Variants in CMIP observed in about 807,000 individuals in gnomAD.
CMIP encodes the protein C-Maf-inducing protein.
A neutral mutation model predicts 97.3 loss-of-function variants in CMIP; 13 were observed. That is an observed-to-expected ratio of 0.13 (90% CI 0.09 to 0.21). CMIP has a LOEUF of 0.21. Ranked by LOEUF, CMIP falls within the 10% of genes least tolerant of loss-of-function variation. The probability of loss-of-function intolerance (pLI) is 1.00; values close to 1 mark genes in which losing one functional copy is unlikely to be tolerated. For missense variants in CMIP, 847 were observed against 1,024.9 expected (o/e 0.83, Z 2.37); for synonymous variants, 538 against 436.3 (o/e 1.23, Z -2.91).
intron 10 of CMIP, among the ~76,000 whole-genome samples, chr16:81,685,963 C>A (rs982765450): frequency 6.6e-6 from 1 of 152,194 alleles, no homozygotes; most frequent in South Asian, 2.1e-4. Flanking sequence ...AGCACAGACA[C>A]TGGGGCCAGG....
At chr16:81,700,316 A>G (rs1262874010) in intron 15 of CMIP, among the ~76,000 whole-genome samples, 1 of 151,724 alleles carries the variant, frequency 6.6e-6, no homozygotes, top group Admixed American at 6.6e-5. Context: ...AAGAACACAC[A>G]CACCCAGCCC....
At chr16:81,642,662 G>C (rs763632509) in intron 3 of CMIP, among the ~76,000 whole-genome samples, 1 of 152,152 alleles carries the variant, frequency 6.6e-6, no homozygotes, top group Non-Finnish European at 1.5e-5. Flanking sequence ...TGTATCTGCC[G>C]GGCGCGGTGG....
intron 1 of CMIP, among the ~76,000 whole-genome samples, chr16:81,565,038 G>T (rs935883527): frequency 1.4e-4 from 21 of 152,184 alleles, no homozygotes; most frequent in Admixed American, 3.9e-4. Context: ...GTGCTCGGGG[G>T]TGCCTGGTGA....
chr16:81,528,039 A>T (rs2090165526), intron 1 of CMIP, among the ~76,000 whole-genome samples: 1 of 152,228 alleles, frequency 6.6e-6, no homozygotes, highest in African/African-American at 2.4e-5. Context: ...TTACATTCCC[A>T]GGAGCAGTAT....
At chr16:81,571,098 A>C (rs1295764273) in intron 1 of CMIP, among the ~76,000 whole-genome samples, 2 of 152,234 alleles carry the variant, frequency 1.3e-5, no homozygotes, top group Admixed American at 6.5e-5. Context: ...AGGTGTGGGT[A>C]TGCGTATGGG....
At chr16:81,583,317 C>T (rs375420774) in intron 1 of CMIP, among the ~76,000 whole-genome samples, 10 of 152,362 alleles carry the variant, frequency 6.6e-5, no homozygotes, top group East Asian at 3.9e-4. Context: ...GTCGGGGCTC[C>T]GGGCCTCTCA....
At chr16:81,556,532 C>G (rs1306929901) in intron 1 of CMIP, among the ~76,000 whole-genome samples, 2 of 152,150 alleles carry the variant, frequency 1.3e-5, no homozygotes, top group East Asian at 1.9e-4. Context: ...AGTGGCCCTC[C>G]TAATGGGCAT....
chr16:81,588,253 T>C (rs184633302), intron 1 of CMIP, among the ~76,000 whole-genome samples: 2 of 152,258 alleles, frequency 1.3e-5, no homozygotes, highest in Admixed American at 1.3e-4. Context: ...ATAGTTTTTG[T>C]TTTTTGGCCA....
chr16:81,705,770 A>G (rs1908066389), intron 19 of CMIP, among the ~76,000 whole-genome samples, 166 bp downstream of exon 19: 2 of 152,248 alleles, frequency 1.3e-5, no homozygotes, highest in Non-Finnish European at 2.9e-5. Context: ...GCACCATTCC[A>G]TGTGCCAGGA....
chr16:81,563,051 C>T (rs1052701272), intron 1 of CMIP, among the ~76,000 whole-genome samples: 5 of 152,190 alleles, frequency 3.3e-5, no homozygotes. Context: ...CTCACGTGCC[C>T]TGGCAAGGCG....
chr16:81,636,746 T>G (rs2092241658), intron 3 of CMIP, among the ~76,000 whole-genome samples: 1 of 152,112 alleles, frequency 6.6e-6, no homozygotes, highest in African/African-American at 2.4e-5. Context: ...CTGCAATAAT[T>G]TGAAACATTG....
intron 1 of CMIP, among the ~76,000 whole-genome samples, chr16:81,546,491 G>A (rs2090548510): frequency 6.6e-6 from 1 of 152,176 alleles, no homozygotes; most frequent in Admixed American, 6.5e-5. Context: ...GAGGCTCTCA[G>A]TTGCAGGCGG....
intron 3 of CMIP, among the ~76,000 whole-genome samples, chr16:81,635,698 G>A (rs779490239): frequency 4.8e-4 from 73 of 152,100 alleles, no homozygotes; most frequent in Non-Finnish European, 6.3e-4. Context: ...AATGATAGAC[G>A]TCAAGCGTCT....
At chr16:81,535,866 T>G (rs956332335) in intron 1 of CMIP, among the ~76,000 whole-genome samples, 2 of 152,198 alleles carry the variant, frequency 1.3e-5, no homozygotes, top group Non-Finnish European at 2.9e-5. Flanking sequence ...CACAAGCTCC[T>G]AGGACTCCAG....
chr16:81,579,910 C>T (rs2091267128), intron 1 of CMIP, among the ~76,000 whole-genome samples: 1 of 152,120 alleles, frequency 6.6e-6, no homozygotes, highest in Non-Finnish European at 1.5e-5. Flanking sequence ...GAGCCGAGAT[C>T]GCACCACTGC....
At chr16:81,581,686 C>T (rs1160872475) in intron 1 of CMIP, among the ~76,000 whole-genome samples, 1 of 152,126 alleles carries the variant, frequency 6.6e-6, no homozygotes, top group Non-Finnish European at 1.5e-5. Context: ...ATAGTGCTAT[C>T]CTTATTCCTC....
intron 3 of CMIP, among the ~76,000 whole-genome samples, chr16:81,646,322 G>C (rs2092364524): frequency 6.6e-6 from 1 of 152,010 alleles, no homozygotes; most frequent in African/African-American, 2.4e-5. Context: ...GTGAATGGTA[G>C]GTGGGTGAGT....
chr16:81,702,686 C>T lies in CMIP; in HGVS notation c.1944+17C>T, dbSNP rs542402346. The stretch of plus-strand genomic sequence containing the variant: ...AAGTCCACAGTGAGTTGGTTTGGTT[C>T]TCTTTGGGGCTGGATGGAGAAGGTG... On this transcript the variant is annotated intron_variant, in intron 17 of 20. Coordinates refer to ENST00000537098, the MANE Select transcript of CMIP (RefSeq NM_198390.3). 45 of 1,610,776 alleles carry T rather than the reference C, an allele frequency of 2.8e-5. No homozygotes were observed. The highest frequency in any genetic ancestry group is 5.0e-5 in the Admixed American group (3 of 59,732).
chr16:81,475,737 G>A (rs1475358079), intron 1 of CMIP, among the ~76,000 whole-genome samples: 1 of 152,168 alleles, frequency 6.6e-6, no homozygotes, highest in South Asian at 2.1e-4. Flanking sequence ...CGTAATCCCA[G>A]CACTTTGGGA....
Sources: allele counts gnomAD v4.1 joint callset (sites outside exome capture counted in the v4.1 genomes callset), GRCh38; gene constraint gnomAD v4.1.1; transcripts MANE v1.5; gene names NCBI Gene and HGNC (gene_info 2026-07-23, HGNC 2026-07-21).